Variants in AP3D1 observed in about 807,000 individuals in gnomAD.
AP3D1 encodes adaptor related protein complex 3 subunit delta 1.
In AP3D1, 51 loss-of-function variants were observed where a neutral mutation model predicts 147.6. That is an observed-to-expected ratio of 0.35 (90% CI 0.28 to 0.44). The LOEUF is 0.44. Among genes scored for constraint, AP3D1 ranks in the 20% least tolerant of loss-of-function variants. AP3D1 has a pLI of 1.00. For synonymous variants in AP3D1, 760 were observed against 663.0 expected (o/e 1.15, Z -2.25); for missense variants, 1,421 against 1,624.2 (o/e 0.87, Z 2.15).
intron 24 of AP3D1, 141 bp downstream of exon 24, chr19:2,112,719 A>G: frequency 1.7e-6 from 1 of 592,084 alleles, no homozygotes; most frequent in South Asian, 2.2e-5. Context: ...CAACCACAAC[A>G]AAAGGCCCGT....
rs1477895115 is a variant in AP3D1, at chr19:2,151,467, CG to C, written c.-134del. Reference sequence around the variant, plus strand: ...GGCGGGGCAAGCTCCCAGGCCAGGGCGGCGGCGGGGTCCAAGGACCGCGGCA... The same window carrying C: ...GGCGGGGCAAGCTCCCAGGCCAGGGCGCGGCGGGGTCCAAGGACCGCGGCA... On this transcript the variant is annotated 5_prime_UTR_variant, in exon 1 of 32. Coordinates refer to ENST00000643116, the MANE Select transcript of AP3D1 (RefSeq NM_001261826.3). The C allele has an allele frequency of 7.3e-5, 31 of 426,420 alleles. No individual in the cohort carries two copies. The highest frequency in any genetic ancestry group is 9.5e-5 in the Non-Finnish European group (30 of 315,244). 26.4% of individuals were successfully genotyped at this position (426,420 alleles called of 1,614,324 possible). A position where few individuals can be genotyped will look rare whatever the true frequency, so the allele number is the denominator to read the frequency against.
At chr19:2,134,869 G>GGGATTACAGGCATGAGCCACCGCA (rs2019038619) in intron 4 of AP3D1, among the ~76,000 whole-genome samples, 1 of 151,618 alleles carries the variant, frequency 6.6e-6, no homozygotes, top group Non-Finnish European at 1.5e-5. Context: ...CCAAAATGCT[G>GGGATTACAGGCATGAGCCACCGCA]GGATTACAGG....
intron 1 of AP3D1, among the ~76,000 whole-genome samples, chr19:2,158,365 T>C (rs1475328374): frequency 6.6e-6 from 1 of 151,618 alleles, no homozygotes; most frequent in African/African-American, 2.4e-5. Context: ...CTGTTTTTTT[T>C]TTTTTTTTAG....
chr19:2,121,584 G>A lies in AP3D1; in HGVS notation c.1101+150C>T, dbSNP rs2018612903. The A allele has an allele frequency of 3.4e-6, 4 of 1,184,326 alleles. No individual in the cohort carries two copies. The South Asian group carries it at 6.3e-5, about 19-fold the overall frequency. The allele number at this position is 1,184,326 out of a possible 1,614,324, so 73.4% of individuals were successfully genotyped here. On this transcript the variant is annotated intron_variant, in intron 12 of 31. Coordinates refer to ENST00000643116, the MANE Select transcript of AP3D1 (RefSeq NM_001261826.3). ...GGCCCTGGAAGACAGGCATGGACCA[G>A]GACTGGCGCCCCTCTGCCCTGCCCC...
chr19:2,158,396 C>G (rs545108491), intron 1 of AP3D1, among the ~76,000 whole-genome samples: 1 of 148,188 alleles, frequency 6.7e-6, no homozygotes, highest in East Asian at 1.9e-4. Context: ...TTGCTCTGTT[C>G]CCTGGGTTGT....
chr19:2,114,207 T>C lies in AP3D1; in HGVS notation c.2519A>G (p.Lys840Arg). ...CTCTTTCTTCTTGGGTTTCTTGCTCTTCTTTTCTACCATGGGAACGTCCTT... is the reference window on the plus strand; with the variant it reads ...CTCTTTCTTCTTGGGTTTCTTGCTCCTCTTTTCTACCATGGGAACGTCCTT... ...PEKDVPMVEK[K>R]SKKPKKKEKK... The change falls in exon 22 of 32, where the codon AAG (lysine) becomes AGG (arginine). Residue 840 changes from lysine to arginine, a missense_variant. This residue lies in a region of AP3D1 where 791 missense variants were observed against 761.4 expected (regional missense o/e 1.04). Coordinates refer to ENST00000643116, the MANE Select transcript of AP3D1 (RefSeq NM_001261826.3). 1.2e-6 allele frequency: 2 copies of C among 1,612,870 alleles called. No individual in the cohort carries two copies. The highest frequency in any genetic ancestry group is 1.1e-5 in the South Asian group (1 of 90,886).
intron 1 of AP3D1, 39 bp downstream of exon 1, chr19:2,151,200 G>A (rs1483559747): frequency 5.0e-6 from 8 of 1,585,718 alleles, no homozygotes; most frequent in South Asian, 1.1e-5. Flanking sequence ...GGCCGGGGCT[G>A]TGACCAGGCC....
intron 4 of AP3D1, among the ~76,000 whole-genome samples, chr19:2,136,392 T>C (rs1160280500): frequency 1.3e-5 from 2 of 152,134 alleles, no homozygotes; most frequent in Non-Finnish European, 2.9e-5. Flanking sequence ...GACCGTGGCC[T>C]CTGACGTGCG....
At chr19:2,129,993 T>C (rs1018194743) in intron 6 of AP3D1, among the ~76,000 whole-genome samples, 1 of 152,098 alleles carries the variant, frequency 6.6e-6, no homozygotes, top group Non-Finnish European at 1.5e-5. Flanking sequence ...GGAAACTCAG[T>C]GAAACTGAAT....
intron 29 of AP3D1, 130 bp downstream of exon 29, chr19:2,109,743 C>T (rs1253633830): frequency 1.5e-5 from 13 of 880,942 alleles, no homozygotes; most frequent in African/African-American, 1.7e-5. Context: ...GCACCAGTCA[C>T]GAGCCAGCGC....
chr19:2,139,755 C>A (rs1386051905), intron 1 of AP3D1, among the ~76,000 whole-genome samples: 1 of 152,198 alleles, frequency 6.6e-6, no homozygotes, highest in Non-Finnish European at 1.5e-5. Flanking sequence ...TCCTGCCAGC[C>A]CCTACGTCGG....
chr19:2,118,640 G>A lies in AP3D1; in HGVS notation c.1674C>T (p.Pro558=). 1 of 1,612,082 alleles carries A rather than the reference G, an allele frequency of 6.2e-7. No individual in the cohort carries two copies. The highest frequency in any genetic ancestry group is 8.5e-7 in the Non-Finnish European group (1 of 1,180,006). Residue 558 remains proline (P), a synonymous_variant, in exon 15 of 32, where the codon CCC becomes CCT. Transcript: ENST00000643116. ...CCAGGTCTGCGCTCTGCACAAACTG[G>A]GGCAGCCGGTCCACCATGAGCTGGG... The part of the protein sequence containing the change: ...AVTQLMVDRL[P]QFVQSADLEV...
rs181677185 is a variant in AP3D1, at chr19:2,142,223, G to A, written c.97-3509C>T. ...AGAGGGGGTTTAGCCATGTTGGCCAGGCTGGTCTTGAACTCCTGACCTCAA... is the reference window on the plus strand; with the variant it reads ...AGAGGGGGTTTAGCCATGTTGGCCAAGCTGGTCTTGAACTCCTGACCTCAA... On this transcript the variant is annotated intron_variant, in intron 1 of 31. Transcript: ENST00000643116. Among the ~76,000 whole-genome samples the A allele has an allele frequency of 3.9e-5, 6 of 152,006 alleles. No homozygotes were observed. The East Asian group carries it at 9.7e-4, about 25-fold the overall frequency.
chr19:2,135,692 C>T (rs972446912), intron 4 of AP3D1, among the ~76,000 whole-genome samples: 2 of 152,190 alleles, frequency 1.3e-5, no homozygotes, highest in African/African-American at 2.4e-5. Context: ...GAGCCGCGCC[C>T]GACACACAGG....
At chr19:2,135,085 C>T (rs1377018020) in intron 4 of AP3D1, among the ~76,000 whole-genome samples, 1 of 151,792 alleles carries the variant, frequency 6.6e-6, no homozygotes, top group African/African-American at 2.4e-5. Flanking sequence ...CGTGTACTCC[C>T]AGCTACTTGG....
intron 31 of AP3D1, among the ~76,000 whole-genome samples, chr19:2,103,884 G>A (rs1021013736): frequency 6.6e-6 from 1 of 151,916 alleles, no homozygotes; most frequent in African/African-American, 2.4e-5. Flanking sequence ...AGGCACTAAT[G>A]GCAAGGCCGT....
intron 29 of AP3D1, chr19:2,109,562 C>A: frequency 2.0e-5 from 10 of 489,638 alleles, no homozygotes. Flanking sequence ...GTGCCGCACG[C>A]CAAGCCGTGC....
chr19:2,151,384 T>A lies in AP3D1; in HGVS notation c.-50A>T. On this transcript the variant is annotated 5_prime_UTR_variant, in exon 1 of 32. Transcript: ENST00000643116. ...TCGGGAGGCCCGCGGCTGGGCGCCG[T>A]GAGGGGGCCCGGGGCCCGTGCCTGC... 1 of 1,381,452 alleles carries A rather than the reference T, an allele frequency of 7.2e-7. No individual in the cohort carries two copies. The allele number at this position is 1,381,452 out of a possible 1,614,324, so 85.6% of individuals were successfully genotyped here.
In AP3D1 at chr19:2,123,896, G is replaced by C; in HGVS notation, c.857-17C>G. The C allele has an allele frequency of 6.4e-7, 1 of 1,567,970 alleles. No individual in the cohort carries two copies. The highest frequency in any genetic ancestry group is 8.6e-7 in the Non-Finnish European group (1 of 1,156,458). On this transcript the variant is annotated splice_polypyrimidine_tract_variant and intron_variant, in intron 9 of 31. Coordinates refer to ENST00000643116, the MANE Select transcript of AP3D1 (RefSeq NM_001261826.3). ...AGATGAGCACTGCAACAGACAGCTT[G>C]GTCAGCACCACGGTCAGCACCATGG...
Sources: allele counts gnomAD v4.1 joint callset (sites outside exome capture counted in the v4.1 genomes callset), GRCh38; gene constraint gnomAD v4.1.1; regional missense constraint gnomAD v4.1.1; transcripts MANE v1.5; gene names NCBI Gene and HGNC (gene_info 2026-07-23, HGNC 2026-07-21).